ARHGAP29: variants seen among roughly 807,000 people sequenced by gnomAD.
ARHGAP29 encodes Rho GTPase activating protein 29.
Under a neutral mutation model 122.6 loss-of-function variants are expected in ARHGAP29, and 43 were observed. The observed-to-expected ratio is 0.35, with a 90% CI of 0.27 to 0.45. The LOEUF (loss-of-function observed/expected upper bound fraction) is 0.45. Among genes scored for constraint, ARHGAP29 ranks in the 20% least tolerant of loss-of-function variants. ARHGAP29 has a pLI of 1.00. For missense variants in ARHGAP29, 1,303 were observed against 1,477.2 expected, an observed-to-expected ratio of 0.88 and a Z score of 1.93; for synonymous variants, 506 against 497.1, an observed-to-expected ratio of 1.02 and a Z score of -0.24.
chr1:94,221,091 A>G (rs753713005), intron 2 of ARHGAP29, among the ~76,000 whole-genome samples: 1 of 152,132 alleles, frequency 6.6e-6, no homozygotes, highest in Non-Finnish European at 1.5e-5. Flanking sequence ...CCTAGGTCAG[A>G]GCGATGCAGT....
intron 1 of ARHGAP29, among the ~76,000 whole-genome samples, chr1:94,244,231 AC>A (rs1298497870): frequency 7.2e-5 from 10 of 139,106 alleles, no homozygotes; most frequent in Admixed American, 1.5e-4. Flanking sequence ...CACAAAAAAA[AC>A]AAAAACACAC....
chr1:94,251,383 A>G (rs908175726), intron 1 of ARHGAP29, among the ~76,000 whole-genome samples: 8 of 151,828 alleles, frequency 5.3e-5, no homozygotes, highest in African/African-American at 1.9e-4. Flanking sequence ...GTTAGCTAGG[A>G]TGGTCTCGGC....
chr1:94,203,142 T>C lies in ARHGAP29; in HGVS notation c.831A>G (p.Leu277=). The C allele has an allele frequency of 6.2e-7, 1 of 1,613,646 alleles. No individual in the cohort carries two copies. The highest frequency in any genetic ancestry group is 8.5e-7 in the Non-Finnish European group (1 of 1,179,812). ...CCTGGAGAGCTGCAATTGTTTGTTG[T>C]AAAAGGTGACTGCTTTCTATATCAT... ...LLNDIESSHL[L]QQTIAALQAN... is the part of the protein sequence containing the mutation. Residue 277 remains leucine (L), a synonymous_variant, in exon 9 of 23, where the codon TTA becomes TTG. Coordinates refer to ENST00000260526, the MANE Select transcript of ARHGAP29 (RefSeq NM_004815.4).
chr1:94,169,127 A>C lies in ARHGAP29; in HGVS notation c.*4742T>G, dbSNP rs947457293. 6.6e-6 allele frequency among the ~76,000 whole-genome samples: 1 copy of C among 152,228 alleles called. No individual in the cohort carries two copies. Among genetic ancestry groups the C allele is most frequent in the Non-Finnish European group, 1.5e-5 (1 of 68,040 alleles). On this transcript the variant is annotated 3_prime_UTR_variant, in exon 23 of 23. Coordinates refer to ENST00000260526, the MANE Select transcript of ARHGAP29 (RefSeq NM_004815.4). ...GTCTATGTTTAAACATTCCTGGTAAATATGTATAATCGTACACTTTTAAAC... is the reference window on the plus strand; with the variant it reads ...GTCTATGTTTAAACATTCCTGGTAACTATGTATAATCGTACACTTTTAAAC...
intron 6 of ARHGAP29, 22 bp from the exon 7 acceptor site, chr1:94,205,220 T>C (rs200041429): frequency 6.4e-7 from 1 of 1,556,510 alleles, no homozygotes; most frequent in Admixed American, 1.9e-5. Context: ...AATATCAAGG[T>C]AAGTATATGT....
chr1:94,230,506 T>C (rs1652856591), intron 2 of ARHGAP29, among the ~76,000 whole-genome samples: 1 of 141,398 alleles, frequency 7.1e-6, no homozygotes, highest in Middle Eastern at 3.8e-3. Flanking sequence ...AAATTAACTC[T>C]TAAATTTAGT....
rs45477495 is a variant in ARHGAP29 at position 94,172,720 on chromosome 1, T to C, written c.*1149A>G. The C allele has an allele frequency of 0.025, 3,788 of 152,414 alleles. 78 individuals are homozygous for C. Among genetic ancestry groups the C allele is most frequent in the Middle Eastern group, 0.096 (28 of 292 alleles). 9.4% of individuals were successfully genotyped at this position (152,414 alleles called of 1,614,324 possible). A position where few individuals can be genotyped will look rare whatever the true frequency, so the allele number is the denominator to read the frequency against. ...GTCTACTTATTTTTTGTCCCTTTTA[T>C]ATCCTATTTTAGGCAAAATGATAAA... On this transcript the variant is annotated 3_prime_UTR_variant, in exon 23 of 23. Transcript: ENST00000260526.
intron 2 of ARHGAP29, among the ~76,000 whole-genome samples, chr1:94,222,833 T>C (rs1182570019): frequency 6.6e-6 from 1 of 152,192 alleles, no homozygotes; most frequent in African/African-American, 2.4e-5. Context: ...TATCTCAATT[T>C]TTCTGTAAAT....
At position 94,237,530 on chromosome 1, in the gene ARHGAP29, C is replaced by T; in HGVS notation, c.-148G>A. The T allele has an allele frequency of 1.1e-5, 11 of 991,050 alleles. No individual in the cohort carries two copies. Among genetic ancestry groups the T allele is most frequent in the Non-Finnish European group, 1.3e-5 (11 of 834,014 alleles). The allele number at this position is 991,050 out of a possible 1,614,324, so 61.4% of individuals were successfully genotyped here. A position where few individuals can be genotyped will look rare whatever the true frequency, so the allele number is the denominator to read the frequency against. On this transcript the variant is annotated 5_prime_UTR_variant, in exon 1 of 23. Coordinates refer to ENST00000260526, the MANE Select transcript of ARHGAP29 (RefSeq NM_004815.4). ...TCCCCCACGGCCTGCGGACGCCCGG[C>T]CAAATCTCAGCCGCAGCCGCAGCCG...
chr1:94,311,208 G>T, the ARHGAP29 span, among the ~76,000 whole-genome samples: 1 of 152,108 alleles, frequency 6.6e-6, no homozygotes, highest in Non-Finnish European at 1.5e-5. Context: ...GTCTAATTCT[G>T]GTATTCAGTA....
chr1:94,259,903 T>C (rs946292642), intron 1 of ARHGAP29, among the ~76,000 whole-genome samples: 13 of 152,212 alleles, frequency 8.5e-5, no homozygotes, highest in African/African-American at 3.1e-4. Flanking sequence ...AAGTCAAAAG[T>C]TCAGAGAGCA....
At chr1:94,217,438 G>A (rs1652014899) in intron 3 of ARHGAP29, among the ~76,000 whole-genome samples, 1 of 151,824 alleles carries the variant, frequency 6.6e-6, no homozygotes, top group Non-Finnish European at 1.5e-5. Flanking sequence ...GGAGGCAGAG[G>A]CAGGAGAATT....
intron 1 of ARHGAP29, among the ~76,000 whole-genome samples, chr1:94,261,316 C>T (rs1255691205): frequency 6.6e-6 from 1 of 152,124 alleles, no homozygotes; most frequent in Non-Finnish European, 1.5e-5. Flanking sequence ...AATTTCATCT[C>T]CATAATTGAA....
the ARHGAP29 span, among the ~76,000 whole-genome samples, chr1:94,296,146 A>G: frequency 6.6e-6 from 1 of 152,210 alleles, no homozygotes; most frequent in Non-Finnish European, 1.5e-5. Context: ...ACAATTCATA[A>G]GTTTTAAATT....
intron 3 of ARHGAP29, among the ~76,000 whole-genome samples, chr1:94,213,023 A>G (rs1651740361): frequency 6.6e-6 from 1 of 152,134 alleles, no homozygotes; most frequent in African/African-American, 2.4e-5. Flanking sequence ...TTTCTCCTTA[A>G]AGCTACCATT....
chr1:94,215,402 C>A (rs890019422), intron 3 of ARHGAP29, among the ~76,000 whole-genome samples: 3 of 150,308 alleles, frequency 2.0e-5, no homozygotes, highest in African/African-American at 7.3e-5. Flanking sequence ...AAATTCTGAA[C>A]AAGCTATCCC....
intron 1 of ARHGAP29, among the ~76,000 whole-genome samples, chr1:94,234,611 A>G (rs1051099416): frequency 3.3e-5 from 5 of 152,214 alleles, no homozygotes; most frequent in Non-Finnish European, 7.4e-5. Flanking sequence ...CCTATCTAAC[A>G]TTAATCCTTA....
intron 1 of ARHGAP29, among the ~76,000 whole-genome samples, chr1:94,274,849 G>T (rs1192841422): frequency 6.6e-6 from 1 of 152,210 alleles, no homozygotes; most frequent in African/African-American, 2.4e-5. Flanking sequence ...TCAAGCTCAG[G>T]CCCTTTACAG....
chr1:94,196,362 C>T (rs1452262390), intron 12 of ARHGAP29, among the ~76,000 whole-genome samples: 2 of 143,862 alleles, frequency 1.4e-5, no homozygotes, highest in Non-Finnish European at 3.0e-5. Flanking sequence ...CCCGGGTTCA[C>T]GCCATTCTCC....
Sources: gnomAD v4.1 joint callset for allele counts (sites outside exome capture counted in the v4.1 genomes callset) on GRCh38, gnomAD v4.1.1 for gene constraint, MANE v1.5 for transcripts, NCBI Gene and HGNC (gene_info 2026-07-23, HGNC 2026-07-21) for gene names.